The following TRHDE variants were observed in gnomAD, a reference collection of about 807,000 sequenced individuals.
TRHDE encodes the protein thyrotropin-releasing hormone-degrading ectoenzyme.
A neutral mutation model predicts 125.7 loss-of-function variants in TRHDE; 72 were observed. The observed-to-expected ratio is 0.57, with a 90% CI of 0.47 to 0.70. TRHDE has a LOEUF of 0.70. TRHDE is among the 30% of genes least tolerant of loss of function. The pLI is 0.00. For synonymous variants in TRHDE, 509 were observed against 509.1 expected, an observed-to-expected ratio of 1.00 and a Z score of 0.00; for missense variants, 1,110 against 1,327.1, an observed-to-expected ratio of 0.84 and a Z score of 2.54.
chr12:72,364,158 G>A (rs996135143), intron 2 of TRHDE, among the ~76,000 whole-genome samples: 4 of 151,942 alleles, frequency 2.6e-5, no homozygotes, highest in Non-Finnish European at 4.4e-5. Flanking sequence ...CATGCTCATG[G>A]GTAGGAATAA....
chr12:72,556,915 G>A (rs1171690540), intron 7 of TRHDE, among the ~76,000 whole-genome samples: 1 of 152,122 alleles, frequency 6.6e-6, no homozygotes, highest in Non-Finnish European at 1.5e-5. Context: ...GTGTCAATGA[G>A]TCCCAGGCTG....
At chr12:72,457,018 AG>A (rs1347461946) in intron 3 of TRHDE, among the ~76,000 whole-genome samples, 3 of 152,286 alleles carry the variant, frequency 2.0e-5, no homozygotes, top group Admixed American at 2.0e-4. Context: ...TTTATAACAA[AG>A]CATTAGGTAC....
At chr12:72,571,974 A>AACACACACACACACACACAC (rs59206098) in intron 10 of TRHDE, among the ~76,000 whole-genome samples, 1,656 of 127,482 alleles carry the variant, frequency 0.013, 56 homozygotes, top group Non-Finnish European at 0.02. Context: ...TGACTCTGCA[A>AACACACACACACACACACAC]ACACACACAC....
intron 12 of TRHDE, among the ~76,000 whole-genome samples, chr12:72,616,999 G>A (rs1872842365): frequency 6.6e-6 from 1 of 151,956 alleles, no homozygotes; most frequent in Admixed American, 6.6e-5. Flanking sequence ...TACTTTTTCA[G>A]GGAGCAACAA....
intron 2 of TRHDE, among the ~76,000 whole-genome samples, chr12:72,137,909 G>A (rs1046958562): frequency 1.3e-5 from 2 of 152,170 alleles, no homozygotes; most frequent in East Asian, 1.9e-4. Context: ...TGAAAGAAGC[G>A]TGACATATAG....
At chr12:72,310,538 A>G (rs371394537) in intron 2 of TRHDE, among the ~76,000 whole-genome samples, 4 of 152,354 alleles carry the variant, frequency 2.6e-5, no homozygotes, top group South Asian at 4.1e-4. Context: ...GAATAAAGCA[A>G]TAAGTGTGAA....
At chr12:72,593,267 C>G (rs535567684) in intron 12 of TRHDE, among the ~76,000 whole-genome samples, 2 of 152,224 alleles carry the variant, frequency 1.3e-5, no homozygotes, top group Non-Finnish European at 2.9e-5. Flanking sequence ...GAAACCTCAC[C>G]CCTATTTTAT....
At chr12:72,554,677 A>AG (rs1408244041) in intron 7 of TRHDE, among the ~76,000 whole-genome samples, 2 of 152,176 alleles carry the variant, frequency 1.3e-5, no homozygotes, top group East Asian at 3.9e-4. Flanking sequence ...AAAGCCCTTG[A>AG]TCAGGATATT....
chr12:72,649,189 C>A (rs1213934107), intron 15 of TRHDE, among the ~76,000 whole-genome samples: 1 of 151,354 alleles, frequency 6.6e-6, no homozygotes, highest in Non-Finnish European at 1.5e-5. Context: ...TAATAAAGAC[C>A]AACATATACA....
intron 15 of TRHDE, among the ~76,000 whole-genome samples, chr12:72,635,354 T>G (rs1873691499): frequency 6.6e-6 from 1 of 152,150 alleles, no homozygotes; most frequent in African/African-American, 2.4e-5. Flanking sequence ...GGGTTGCTTG[T>G]TTTTTTCTTG....
chr12:72,508,478 G>C (rs1318480670), intron 6 of TRHDE, among the ~76,000 whole-genome samples: 1 of 152,174 alleles, frequency 6.6e-6, no homozygotes, highest in Non-Finnish European at 1.5e-5. Context: ...CTGGGTTTCA[G>C]ACTTACATGG....
intron 12 of TRHDE, among the ~76,000 whole-genome samples, 170 bp downstream of exon 12, chr12:72,575,712 T>C (rs1452282902): frequency 6.6e-6 from 1 of 152,132 alleles, no homozygotes; most frequent in Admixed American, 6.6e-5. Context: ...AAACTTTCTA[T>C]CAATAATAGC....
chr12:72,485,014 A>C (rs569136367), intron 5 of TRHDE, among the ~76,000 whole-genome samples: 29 of 152,254 alleles, frequency 1.9e-4, no homozygotes, highest in Admixed American at 1.6e-3. Context: ...ATCAACTCAG[A>C]ACCAGGAGGG....
intron 6 of TRHDE, among the ~76,000 whole-genome samples, chr12:72,518,911 G>A (rs1368302368): frequency 6.6e-6 from 1 of 151,746 alleles, no homozygotes; most frequent in African/African-American, 2.4e-5. Flanking sequence ...ATGAAGCTTA[G>A]TTTGGCTGGA....
At chr12:72,362,529 T>C (rs1316089840) in intron 2 of TRHDE, among the ~76,000 whole-genome samples, 1 of 151,942 alleles carries the variant, frequency 6.6e-6, no homozygotes, top group Non-Finnish European at 1.5e-5. Flanking sequence ...TTCACTCTGA[T>C]GGTAGTTTCT....
intron 15 of TRHDE, among the ~76,000 whole-genome samples, chr12:72,639,369 C>T (rs971179300): frequency 6.6e-6 from 1 of 151,200 alleles, no homozygotes; most frequent in African/African-American, 2.4e-5. Flanking sequence ...CTCCTTTAAG[C>T]ACTTCTCTGT....
At chr12:72,321,217 A>G (rs1403269406) in intron 2 of TRHDE, among the ~76,000 whole-genome samples, 2 of 152,310 alleles carry the variant, frequency 1.3e-5, no homozygotes, top group South Asian at 2.1e-4. Context: ...CAGTATGAGT[A>G]GTAAGTGATA....
intron 6 of TRHDE, among the ~76,000 whole-genome samples, chr12:72,508,947 T>A (rs554775609): frequency 6.6e-6 from 1 of 152,242 alleles, no homozygotes; most frequent in Non-Finnish European, 1.5e-5. Context: ...CCTCTTTGCC[T>A]TCTGTTATGA....
chr12:72,225,126 C>T (rs1301764381), intron 2 of TRHDE, among the ~76,000 whole-genome samples: 3 of 152,096 alleles, frequency 2.0e-5, no homozygotes, highest in Non-Finnish European at 2.9e-5. Context: ...TGCTGTCTGT[C>T]ATATACTAAA....
Sources: gnomAD v4.1 joint callset for allele counts (sites outside exome capture counted in the v4.1 genomes callset) on GRCh38, gnomAD v4.1.1 for gene constraint, MANE v1.5 for transcripts, NCBI Gene and HGNC (gene_info 2026-07-23, HGNC 2026-07-21) for gene names.